CDH12: variants seen among roughly 807,000 people sequenced by gnomAD.
CDH12 encodes the protein cadherin-12.
In CDH12, 41 loss-of-function variants were observed where a neutral mutation model predicts 74.1. The observed-to-expected ratio is 0.55, with a 90% CI of 0.43 to 0.72. CDH12 has a LOEUF of 0.72. CDH12 is among the 30% of genes least tolerant of loss of function. The pLI, the probability that CDH12 is intolerant of heterozygous loss-of-function variation, is 0.00. For synonymous variants in CDH12, 399 were observed against 355.0 expected, an observed-to-expected ratio of 1.12 and a Z score of -1.39; for missense variants, 945 against 977.2, an observed-to-expected ratio of 0.97 and a Z score of 0.44.
intron 6 of CDH12, chr5:21,883,885 T>C (rs750818815): frequency 6.2e-7 from 1 of 1,606,726 alleles, no homozygotes; most frequent in Non-Finnish European, 8.5e-7. Flanking sequence ...AGAGCTGCTG[T>C]TGAAGGAGGC....
chr5:22,374,444 G>A (rs1168525015), intron 3 of CDH12, among the ~76,000 whole-genome samples: 2 of 152,046 alleles, frequency 1.3e-5, no homozygotes, highest in Admixed American at 6.6e-5. Flanking sequence ...AATATGTACT[G>A]GAAATCCTAG....
intron 4 of CDH12, among the ~76,000 whole-genome samples, chr5:22,164,624 A>T (rs1274023500): frequency 1.3e-5 from 2 of 152,218 alleles, no homozygotes; most frequent in Non-Finnish European, 2.9e-5. Flanking sequence ...GGGGACCCCA[A>T]GGGGGTTGCC....
chr5:21,800,889 G>A (rs930945747), intron 10 of CDH12, among the ~76,000 whole-genome samples: 23 of 152,092 alleles, frequency 1.5e-4, no homozygotes, highest in African/African-American at 5.6e-4. Flanking sequence ...TGTAAGATGC[G>A]CCTGCTTCTC....
chr5:22,632,519 T>G (rs1335876364), intron 1 of CDH12, among the ~76,000 whole-genome samples: 4 of 152,080 alleles, frequency 2.6e-5, no homozygotes, highest in East Asian at 1.9e-4. Flanking sequence ...TTAAGAAGAA[T>G]AATAATTACA....
intron 6 of CDH12, among the ~76,000 whole-genome samples, chr5:21,861,212 T>C (rs962690836): frequency 1.3e-5 from 2 of 151,812 alleles, no homozygotes; most frequent in African/African-American, 4.8e-5. Flanking sequence ...CATTGATTTA[T>C]TTTTATCTCA....
At chr5:22,334,040 T>C (rs1739460042) in intron 3 of CDH12, among the ~76,000 whole-genome samples, 1 of 152,154 alleles carries the variant, frequency 6.6e-6, no homozygotes, top group Non-Finnish European at 1.5e-5. Context: ...GGGTAAGAAT[T>C]GAAAGTCTCT....
At chr5:21,830,227 A>AAAAAAAAAAT in intron 8 of CDH12, among the ~76,000 whole-genome samples, 1 of 149,704 alleles carries the variant, frequency 6.7e-6, no homozygotes, top group African/African-American at 2.5e-5. Flanking sequence ...AAAAAAAAAA[A>AAAAAAAAAAT]AAAGAAATGC....
chr5:21,855,587 A>G (rs894752947), intron 6 of CDH12, among the ~76,000 whole-genome samples: 2 of 150,778 alleles, frequency 1.3e-5, no homozygotes, highest in African/African-American at 2.4e-5. Context: ...AAGTGTAATC[A>G]AAAGTACCCA....
chr5:22,827,946 T>C (rs1736415881), intron 1 of CDH12, among the ~76,000 whole-genome samples: 1 of 152,142 alleles, frequency 6.6e-6, no homozygotes, highest in South Asian at 2.1e-4. Flanking sequence ...CTCATTTTTG[T>C]CTACTAAATA....
At chr5:21,919,762 T>C (rs1024864364) in intron 6 of CDH12, among the ~76,000 whole-genome samples, 1 of 152,144 alleles carries the variant, frequency 6.6e-6, no homozygotes, top group Non-Finnish European at 1.5e-5. Flanking sequence ...AATTAATTAA[T>C]ATTGTAGTTA....
chr5:22,445,104 T>C (rs1744771867), intron 2 of CDH12, among the ~76,000 whole-genome samples: 1 of 152,108 alleles, frequency 6.6e-6, no homozygotes, highest in Non-Finnish European at 1.5e-5. Context: ...AGAGAGTATT[T>C]CATGCACACA....
At chr5:22,283,610 A>C (rs2150408750) in intron 3 of CDH12, among the ~76,000 whole-genome samples, 1 of 152,094 alleles carries the variant, frequency 6.6e-6, no homozygotes, top group East Asian at 1.9e-4. Flanking sequence ...GAGCTGAAGG[A>C]AGGCAAGGAG....
intron 5 of CDH12, among the ~76,000 whole-genome samples, chr5:22,072,567 T>TGC (rs1320227055): frequency 3.4e-5 from 5 of 146,990 alleles, no homozygotes; most frequent in Admixed American, 1.4e-4. Context: ...TGTGTGTGTG[T>TGC]TTAGGCTTTT....
chr5:22,440,197 G>A (rs967472442), intron 2 of CDH12, among the ~76,000 whole-genome samples: 9 of 151,980 alleles, frequency 5.9e-5, no homozygotes, highest in African/African-American at 2.2e-4. Context: ...GCATGGAACC[G>A]AGAGCAACTT....
At chr5:22,116,022 T>A (rs1328454854) in intron 4 of CDH12, among the ~76,000 whole-genome samples, 1 of 152,180 alleles carries the variant, frequency 6.6e-6, no homozygotes, top group East Asian at 1.9e-4. Context: ...TCATGTCATA[T>A]TCATGAACAT....
intron 1 of CDH12, among the ~76,000 whole-genome samples, chr5:22,550,877 A>G (rs1229715810): frequency 2.0e-5 from 3 of 152,108 alleles, no homozygotes; most frequent in Middle Eastern, 6.3e-3. Context: ...TGCCCTCCCT[A>G]TGCTTCAGCC....
intron 5 of CDH12, among the ~76,000 whole-genome samples, chr5:22,008,255 A>G (rs1277371579): frequency 4.6e-5 from 7 of 150,938 alleles, no homozygotes; most frequent in Non-Finnish European, 7.4e-5. Context: ...TTTTAAATGG[A>G]GTCTCGCTCT....
intron 4 of CDH12, among the ~76,000 whole-genome samples, chr5:22,133,171 T>A (rs544696196): frequency 2.3e-4 from 35 of 152,244 alleles, no homozygotes; most frequent in African/African-American, 8.4e-4. Context: ...AAGAAATGAG[T>A]AAAATTGATT....
At chr5:22,642,615 G>A (rs1739210773) in intron 1 of CDH12, among the ~76,000 whole-genome samples, 1 of 152,064 alleles carries the variant, frequency 6.6e-6, no homozygotes, top group East Asian at 1.9e-4. Context: ...CTAAGTCGAG[G>A]CCATAGGGAG....
Sources: gnomAD v4.1 joint callset for allele counts (sites outside exome capture counted in the v4.1 genomes callset) on GRCh38, gnomAD v4.1.1 for gene constraint, MANE v1.5 for transcripts, NCBI Gene and HGNC (gene_info 2026-07-23, HGNC 2026-07-21) for gene names.